The following MDN1 variants were observed in gnomAD, a reference collection of about 807,000 sequenced individuals.
The protein encoded by MDN1 is midasin AAA ATPase 1.
Under a neutral mutation model 669.2 loss-of-function variants are expected in MDN1, and 266 were observed. The ratio of observed to expected loss-of-function variants is 0.40; its 90% CI spans 0.36 to 0.44. The LOEUF is 0.44. MDN1 is among the 20% of genes least tolerant of loss of function. MDN1 has a pLI of 1.00. For synonymous variants in MDN1, 2,385 were observed against 2,457.1 expected (o/e 0.97, Z 0.87); for missense variants, 5,940 against 6,754.0 (o/e 0.88, Z 4.22).
intron 75 of MDN1, among the ~76,000 whole-genome samples, chr6:89,678,296 T>A (rs2128305563): frequency 6.6e-6 from 1 of 152,064 alleles, no homozygotes. Flanking sequence ...ACCGCTGCAC[T>A]AACCAGCCTG....
rs1814047124 is a variant in MDN1, at chr6:89,712,869, T to C, written c.7219-83A>G. ...AAACCAGCAAAGTAATAATAGTCCA[T>C]GCGACCACCTCACAACAACTTTTAA... On this transcript the variant is annotated intron_variant, in intron 47 of 101. Coordinates refer to ENST00000369393, the MANE Select transcript of MDN1 (RefSeq NM_014611.3). 1.6e-6 allele frequency: 2 copies of C among 1,253,794 alleles called. 1 individual carries two copies. Among genetic ancestry groups the C allele is most frequent in the South Asian group, 2.6e-5 (2 of 77,684 alleles). The allele number at this position is 1,253,794 out of a possible 1,614,324, so 77.7% of individuals were successfully genotyped here. A position where few individuals can be genotyped will look rare whatever the true frequency, so the allele number is the denominator to read the frequency against.
chr6:89,697,233 T>C (rs1013420381), intron 59 of MDN1, among the ~76,000 whole-genome samples: 1 of 152,208 alleles, frequency 6.6e-6, no homozygotes, highest in African/African-American at 2.4e-5. Flanking sequence ...ACATCGCTTT[T>C]GGATCTGTTT....
intron 33 of MDN1, among the ~76,000 whole-genome samples, chr6:89,737,572 G>A (rs1034599642): frequency 6.6e-6 from 1 of 151,804 alleles, no homozygotes; most frequent in Non-Finnish European, 1.5e-5. Context: ...CCTTTTATTG[G>A]ATATTTTAAA....
In MDN1 at chr6:89,654,346, GCACGCACC is replaced by G. The variant is rs755178089; in HGVS notation, c.15491-20_15491-13del. The G allele has an allele frequency of 6.2e-7, 1 of 1,613,914 alleles. No individual in the cohort carries two copies. Among genetic ancestry groups the G allele is most frequent in the South Asian group, 1.1e-5 (1 of 91,050 alleles). On this transcript the variant is annotated splice_polypyrimidine_tract_variant and intron_variant, in intron 92 of 101. Transcript: ENST00000369393. The stretch of plus-strand genomic sequence containing the variant: ...TTTGCTGGCCACATCTGTCAACAAA[GCACGCACC>G]CACACATAAAAATCCTAGGTCTTTG...
Position 89,695,684 on chromosome 6 carries a change from T to C in MDN1, c.9692A>G (p.Gln3231Arg). The C allele has an allele frequency of 6.2e-7, 1 of 1,613,654 alleles. No individual in the cohort carries two copies. Among genetic ancestry groups the C allele is most frequent in the Non-Finnish European group, 8.5e-7 (1 of 1,179,946 alleles). Residue 3231 changes from glutamine (Q) to arginine (R), a missense_variant, in exon 61 of 102, where the codon CAG becomes CGG. Coordinates refer to ENST00000369393, the MANE Select transcript of MDN1 (RefSeq NM_014611.3). This position sits in a 1 kb window ranked among gnomAD's most constrained non-coding sequence, Gnocchi z 4.1. ...GSLWVSLGLL[Q>R]IQTWLPQARF... ...TGCCTGGGGAAGCCATGTCTGAATC[T>C]GGAGCAAGCCGAGGCTCACCCAGAG...
In MDN1 at chr6:89,662,846, TTCCTCCTCATCA is replaced by T; in HGVS notation, c.14346_14357del (p.Asp4782_Glu4785del). 6.2e-7 allele frequency: 1 copy of T among 1,611,012 alleles called. No homozygotes were observed. Among genetic ancestry groups the T allele is most frequent in the Non-Finnish European group, 8.5e-7 (1 of 1,177,098 alleles). On this transcript the variant is annotated inframe_deletion, in exon 86 of 102. Coordinates refer to ENST00000369393, the MANE Select transcript of MDN1 (RefSeq NM_014611.3). ...TTTTATTGTCTTCTTCCTCCTCATC[TTCCTCCTCATCA>T]TCATCACCCCAAAGCCTCTCATCTA...
rs545813200 is a variant in MDN1, at chr6:89,735,925, CAGG to C, written c.4723+2398_4723+2400del. Among the ~76,000 whole-genome samples, 6 of 152,216 alleles carry C rather than the reference CAGG, an allele frequency of 3.9e-5. No homozygotes were observed. In the South Asian group the frequency reaches 1.2e-3, roughly 32 times the overall value. On this transcript the variant is annotated intron_variant, in intron 33 of 101. Transcript: ENST00000369393. ...GTCCCAGCTACTCGGGAGGCTGAGG[CAGG>C]AGAATTGCTTGAACCCAGGAAGCAG...
chr6:89,695,479 G>C lies in MDN1; in HGVS notation c.9771+126C>G, dbSNP rs774755455. ...AAAACAGACTCCTGGGAAGTCATAA[G>C]GCAACTTATGCAATATCATGCTTGT... On this transcript the variant is annotated intron_variant, in intron 61 of 101. Coordinates refer to ENST00000369393, the MANE Select transcript of MDN1 (RefSeq NM_014611.3). This position sits in a 1 kb window ranked among gnomAD's most constrained non-coding sequence, Gnocchi z 4.1. 5 of 1,253,088 alleles carry C rather than the reference G, an allele frequency of 4.0e-6. No individual in the cohort carries two copies. Among genetic ancestry groups the C allele is most frequent in the Non-Finnish European group, 5.5e-6 (5 of 909,106 alleles). The allele number at this position is 1,253,088 out of a possible 1,614,324, so 77.6% of individuals were successfully genotyped here.
At chr6:89,696,024 T>C (rs1262404490) in intron 60 of MDN1, 32 bp from the exon 61 acceptor site, 3 of 1,568,842 alleles carry the variant, frequency 1.9e-6, no homozygotes, top group South Asian at 1.2e-5. Context: ...ACTGAAAGGT[T>C]TGTACTGTAT....
intron 1 of MDN1, chr6:89,814,739 C>G: frequency 2.7e-6 from 1 of 365,894 alleles, no homozygotes; most frequent in South Asian, 2.3e-5. Flanking sequence ...GCACCAGGAG[C>G]AGCCGCTGGA....
chr6:89,765,696 A>C (rs1817774282), intron 15 of MDN1, among the ~76,000 whole-genome samples: 2 of 152,112 alleles, frequency 1.3e-5, no homozygotes, highest in African/African-American at 2.4e-5. Context: ...GAACACAGAC[A>C]CTCAAGACTG....
In MDN1 at chr6:89,762,398, T is replaced by C; in HGVS notation, c.2277A>G (p.Lys759=). ...LGHIQTCYRQ[K]RWHDLLRLMQ... ...TTAGTCTCAGGAGATCATGCCACCG[T>C]TTCTGTCTGTAACAGGTCTGAATGT... Residue 759 remains lysine, a synonymous_variant, in exon 16 of 102, where the codon AAA becomes AAG. Coordinates refer to ENST00000369393, the MANE Select transcript of MDN1 (RefSeq NM_014611.3). The C allele has an allele frequency of 6.2e-7, 1 of 1,614,160 alleles. No individual in the cohort carries two copies. The highest frequency in any genetic ancestry group is 8.5e-7 in the Non-Finnish European group (1 of 1,180,018).
intron 99 of MDN1, among the ~76,000 whole-genome samples, chr6:89,647,655 A>C (rs1236718816): frequency 6.6e-6 from 1 of 152,158 alleles, no homozygotes; most frequent in East Asian, 1.9e-4. Flanking sequence ...CCCTGTCCTA[A>C]TACTGTATGC....
chr6:89,810,789 GGAGTTA>G (rs1473692336), intron 1 of MDN1, among the ~76,000 whole-genome samples: 4 of 152,082 alleles, frequency 2.6e-5, no homozygotes, highest in African/African-American at 9.7e-5. Flanking sequence ...CTTGAGGTCG[GGAGTTA>G]GAGACCAGCC....
Position 89,742,010 on chromosome 6 carries a change from A to G in MDN1, c.4448+1140T>C, listed in dbSNP as rs1816321528. Reference sequence around the variant, plus strand: ...CAGCTACACAGGAGGCTGAATGAAAAGAATGGCTTGAACCCAGGAGGCAGA... The same window carrying G: ...CAGCTACACAGGAGGCTGAATGAAAGGAATGGCTTGAACCCAGGAGGCAGA... On this transcript the variant is annotated intron_variant, in intron 31 of 101. Coordinates refer to ENST00000369393, the MANE Select transcript of MDN1 (RefSeq NM_014611.3). Among the ~76,000 whole-genome samples the G allele has an allele frequency of 2.6e-5, 4 of 152,134 alleles. No individual in the cohort carries two copies. In the South Asian group the frequency reaches 8.3e-4, roughly 32 times the overall value.
chr6:89,805,931 T>C (rs1209311461), intron 1 of MDN1, among the ~76,000 whole-genome samples: 2 of 152,116 alleles, frequency 1.3e-5, no homozygotes, highest in African/African-American at 2.4e-5. Context: ...ACAAGCCCTC[T>C]AAAGATACCT....
At chr6:89,716,924 G>T (rs1814414286) in intron 43 of MDN1, 115 bp from the exon 44 acceptor site, 1 of 1,125,324 alleles carries the variant, frequency 8.9e-7, no homozygotes, top group South Asian at 1.8e-5. Flanking sequence ...TTTCATAAAA[G>T]AATAAATAGA....
rs1477459224 is a variant in MDN1 at position 89,693,103 on chromosome 6, G to A, written c.9927C>T (p.His3309=). The A allele has an allele frequency of 1.9e-6, 3 of 1,611,300 alleles. No individual in the cohort carries two copies. Among genetic ancestry groups the A allele is most frequent in the Admixed American group, 1.7e-5 (1 of 59,268 alleles). ...RMDRLDNLTC[H]LLKKQAFRPQ... ...GTCTAAAGGCCTGTTTCTTCAACAG[G>A]TGACAGGTTAAATTATCCAGCCGAT... Residue 3309 remains histidine, a synonymous_variant, in exon 63 of 102, where the codon CAC becomes CAT. Coordinates refer to ENST00000369393, the MANE Select transcript of MDN1 (RefSeq NM_014611.3).
At chr6:89,804,563 G>T (rs981764407) in intron 1 of MDN1, among the ~76,000 whole-genome samples, 1 of 152,076 alleles carries the variant, frequency 6.6e-6, no homozygotes, top group African/African-American at 2.4e-5. Flanking sequence ...AATGAATTCT[G>T]CAGTTAGTAG....
Sources: gnomAD v4.1 joint callset for allele counts (sites outside exome capture counted in the v4.1 genomes callset) on GRCh38, gnomAD v4.1.1 for gene constraint, Gnocchi (gnomAD v3.1) non-coding constraint, MANE v1.5 for transcripts, NCBI Gene and HGNC (gene_info 2026-07-23, HGNC 2026-07-21) for gene names.